The following HP1BP3 variants were observed in gnomAD, a reference collection of about 807,000 sequenced individuals.
HP1BP3 encodes heterochromatin protein 1-binding protein 3.
HP1BP3 carries 12 observed loss-of-function variants against 62.5 expected under a neutral mutation model. That is an observed-to-expected ratio of 0.19 (90% CI 0.12 to 0.31). The LOEUF (loss-of-function observed/expected upper bound fraction) is 0.31, where lower values mean the gene tolerates loss of function less well. Among genes scored for constraint, HP1BP3 ranks in the 10% least tolerant of loss-of-function variants. The pLI, the probability that HP1BP3 is intolerant of heterozygous loss-of-function variation, is 1.00. For missense variants in HP1BP3, 502 were observed against 651.8 expected (o/e 0.77, Z 2.50); for synonymous variants, 260 against 237.8 (o/e 1.09, Z -0.86).
chr1:20,749,558 A>C (rs1348509306), intron 10 of HP1BP3, among the ~76,000 whole-genome samples, 165 bp downstream of exon 10: 1 of 151,940 alleles, frequency 6.6e-6, no homozygotes, highest in Non-Finnish European at 1.5e-5. Context: ...ATGGGGTTTC[A>C]CTATGTTGGC....
At chr1:20,773,117 G>A (rs554008498) in intron 5 of HP1BP3, among the ~76,000 whole-genome samples, 38 of 152,208 alleles carry the variant, frequency 2.5e-4, no homozygotes, top group African/African-American at 8.7e-4. Context: ...TAGCAGGGGC[G>A]CCCAACAGAG....
chr1:20,772,578 T>G (rs1284109331), intron 5 of HP1BP3, among the ~76,000 whole-genome samples: 1 of 152,054 alleles, frequency 6.6e-6, no homozygotes, highest in African/African-American at 2.4e-5. Context: ...CCAGTTTATG[T>G]GTTAGTGCTA....
chr1:20,785,484 C>A (rs2057779416), intron 1 of HP1BP3, among the ~76,000 whole-genome samples: 1 of 152,192 alleles, frequency 6.6e-6, no homozygotes, highest in Non-Finnish European at 1.5e-5. Context: ...TCACTACACT[C>A]AGATTTAACG....
chr1:20,749,711 A>T lies in HP1BP3; in HGVS notation c.1141+12T>A, dbSNP rs545295791. 10 of 1,606,170 alleles carry T rather than the reference A, an allele frequency of 6.2e-6. No homozygotes were observed. The Admixed American group carries it at 1.7e-4, about 28-fold the overall frequency. On this transcript the variant is annotated intron_variant, in intron 10 of 12. Coordinates refer to ENST00000438032, the MANE Select transcript of HP1BP3 (RefSeq NM_001372052.1). ...TCCTAATCCCAGTTAAATATACACA[A>T]CCGAGTCTTACTTTGATAGTTAGAA...
intron 8 of HP1BP3, among the ~76,000 whole-genome samples, chr1:20,760,171 G>A (rs1028495020): frequency 1.3e-5 from 2 of 152,132 alleles, no homozygotes; most frequent in South Asian, 2.1e-4. Context: ...ACAGACGTGA[G>A]CCACCACACC....
At chr1:20,758,900 G>A (rs537419157) in intron 8 of HP1BP3, among the ~76,000 whole-genome samples, 7 of 151,778 alleles carry the variant, frequency 4.6e-5, no homozygotes, top group Admixed American at 2.0e-4. Flanking sequence ...CGATCCTCCC[G>A]CTTCGGCCTC....
At chr1:20,750,279 C>T (rs188878319) in intron 9 of HP1BP3, 1,187 of 118,264 alleles carry the variant, frequency 0.01, 4 homozygotes, top group Non-Finnish European at 0.017. Flanking sequence ...GCCAGGAGTT[C>T]GAGACCAGCC....
chr1:20,751,685 T>C (rs1177124160), intron 9 of HP1BP3, among the ~76,000 whole-genome samples: 1 of 151,262 alleles, frequency 6.6e-6, no homozygotes, highest in Non-Finnish European at 1.5e-5. Context: ...ATTACATCAC[T>C]ATACTCCAGC....
chr1:20,759,590 G>T (rs762984268), intron 8 of HP1BP3, among the ~76,000 whole-genome samples: 7 of 152,178 alleles, frequency 4.6e-5, no homozygotes, highest in African/African-American at 7.2e-5. Flanking sequence ...AACCATGCTG[G>T]CACCCTGATC....
chr1:20,771,143 A>C (rs2154540991), intron 5 of HP1BP3, 70 bp from the exon 6 acceptor site: 10 of 1,302,014 alleles, frequency 7.7e-6, no homozygotes. Context: ...TTCAAAATAA[A>C]TTATTTTGGA....
At chr1:20,752,914 T>G (rs898665873) in intron 9 of HP1BP3, among the ~76,000 whole-genome samples, 1 of 151,852 alleles carries the variant, frequency 6.6e-6, no homozygotes, top group East Asian at 1.9e-4. Context: ...GTTAAAGTTA[T>G]GAGCTGAATT....
At position 20,744,541 on chromosome 1, in the gene HP1BP3, A is replaced by G. The variant is rs1449849587; in HGVS notation, c.*256T>C. The G allele has an allele frequency of 1.2e-5, 4 of 335,306 alleles. No individual in the cohort carries two copies. Among genetic ancestry groups the G allele is most frequent in the African/African-American group, 2.1e-5 (1 of 46,660 alleles). The allele number at this position is 335,306 out of a possible 1,614,324, so 20.8% of individuals were successfully genotyped here. A position where few individuals can be genotyped will look rare whatever the true frequency, so the allele number is the denominator to read the frequency against. On this transcript the variant is annotated 3_prime_UTR_variant, in exon 13 of 13. Coordinates refer to ENST00000438032, the MANE Select transcript of HP1BP3 (RefSeq NM_001372052.1). ...GGGTTGGGGGAGGCAGAGAAAAAGG[A>G]CAAGTATACATTACATAGTTTAGGA...
At chr1:20,779,233 A>G (rs2057436292) in intron 3 of HP1BP3, among the ~76,000 whole-genome samples, 1 of 152,190 alleles carries the variant, frequency 6.6e-6, no homozygotes, top group African/African-American at 2.4e-5. Flanking sequence ...AAAAAACCAA[A>G]AAGATCATGA....
intron 10 of HP1BP3, among the ~76,000 whole-genome samples, chr1:20,749,494 G>A (rs1450757130): frequency 6.6e-6 from 1 of 151,832 alleles, no homozygotes; most frequent in Non-Finnish European, 1.5e-5. Flanking sequence ...GAGTAGCTGG[G>A]ACTACAGATG....
intron 5 of HP1BP3, among the ~76,000 whole-genome samples, chr1:20,771,675 C>G (rs998241838): frequency 9.9e-4 from 151 of 152,274 alleles, no homozygotes; most frequent in African/African-American, 3.5e-3. Context: ...GACTAATGCA[C>G]CTGGAAGAAT....
chr1:20,780,099 T>C (rs2057476104), intron 2 of HP1BP3, among the ~76,000 whole-genome samples, 188 bp from the exon 3 acceptor site: 1 of 152,218 alleles, frequency 6.6e-6, no homozygotes, highest in Non-Finnish European at 1.5e-5. Flanking sequence ...TTTTAAAGTA[T>C]GTTATTTTAG....
chr1:20,746,992 C>G (rs891726021), intron 11 of HP1BP3, among the ~76,000 whole-genome samples: 2 of 152,046 alleles, frequency 1.3e-5, no homozygotes, highest in Non-Finnish European at 2.9e-5. Flanking sequence ...CCAGCCTGGG[C>G]GATAGAGTGA....
intron 4 of HP1BP3, 35 bp from the exon 5 acceptor site, chr1:20,773,645 G>A (rs373816865): frequency 9.2e-5 from 132 of 1,441,218 alleles, no homozygotes; most frequent in Non-Finnish European, 1.1e-4. Flanking sequence ...TAGAAGATAA[G>A]CTCTCTAGAA....
intron 7 of HP1BP3, among the ~76,000 whole-genome samples, chr1:20,765,957 T>C (rs1294922622): frequency 2.3e-5 from 3 of 130,284 alleles, no homozygotes; most frequent in Non-Finnish European, 4.8e-5. Flanking sequence ...AGAACGAGAC[T>C]CCGTCTCAAA....
Sources: allele counts gnomAD v4.1 joint callset (sites outside exome capture counted in the v4.1 genomes callset), GRCh38; gene constraint gnomAD v4.1.1; transcripts MANE v1.5; gene names NCBI Gene and HGNC (gene_info 2026-07-23, HGNC 2026-07-21).